ERI1: variants seen among roughly 807,000 people sequenced by gnomAD.
The protein encoded by ERI1 is 3'-5' exoribonuclease 1.
Under a neutral mutation model 39.7 loss-of-function variants are expected in ERI1, and 39 were observed. The observed-to-expected ratio is 0.98, with a 90% CI of 0.76 to 1.28. ERI1 has a LOEUF of 1.28. Among genes scored for constraint, ERI1 ranks in the 50% most tolerant of loss-of-function variants. The probability of loss-of-function intolerance (pLI) is 0.00; values close to 1 mark genes in which losing one functional copy is unlikely to be tolerated. For missense variants in ERI1, 581 were observed against 416.9 expected (o/e 1.39, Z -3.43); for synonymous variants, 204 against 149.6 (o/e 1.36, Z -2.65).
chr8:9,036,008 G>A (rs1797832203), downstream of ERI1, among the ~76,000 whole-genome samples: 1 of 152,180 alleles, frequency 6.6e-6, no homozygotes, highest in African/African-American at 2.4e-5. Flanking sequence ...AGAACTAGAA[G>A]TGAAGATGTG....
intron 3 of ERI1, among the ~76,000 whole-genome samples, chr8:9,077,049 C>G (rs891474468): frequency 2.0e-5 from 3 of 152,224 alleles, no homozygotes; most frequent in Non-Finnish European, 4.4e-5. Context: ...GTACCTCATA[C>G]GCATGCCAGT....
At chr8:9,015,217 A>T (rs538950116) in intron 3 of ERI1, among the ~76,000 whole-genome samples, 87 of 152,314 alleles carry the variant, frequency 5.7e-4, no homozygotes, top group African/African-American at 1.9e-3. Context: ...TTAATAGATT[A>T]GTAGGTAGAA....
At chr8:9,022,234 G>A (rs955185286) in intron 6 of ERI1, among the ~76,000 whole-genome samples, 3 of 151,936 alleles carry the variant, frequency 2.0e-5, no homozygotes, top group African/African-American at 7.3e-5. Flanking sequence ...TCAGCTATCT[G>A]GATTGCTTTT....
intron 3 of ERI1, among the ~76,000 whole-genome samples, chr8:9,071,843 A>T (rs1212511490): frequency 6.6e-6 from 1 of 152,180 alleles, no homozygotes; most frequent in African/African-American, 2.4e-5. Flanking sequence ...AGGTGGGAGG[A>T]CTGCTTGAAT....
chr8:9,077,829 C>G (rs1799254432), intron 3 of ERI1, among the ~76,000 whole-genome samples: 1 of 152,216 alleles, frequency 6.6e-6, no homozygotes, highest in African/African-American at 2.4e-5. Flanking sequence ...CAGGTACTCT[C>G]TGTTTGAGGT....
intron 3 of ERI1, among the ~76,000 whole-genome samples, chr8:9,046,071 A>G (rs1176849256): frequency 2.0e-5 from 3 of 152,226 alleles, no homozygotes; most frequent in Non-Finnish European, 4.4e-5. Context: ...AAATTCATTT[A>G]AAAATTAAAT....
chr8:9,030,030 A>G lies in ERI1; in HGVS notation c.1046A>G (p.Lys349Arg), dbSNP rs775086601. Residue 349 changes from lysine to arginine, a missense_variant, in exon 7 of 7, where the codon AAG (lysine) becomes AGG (arginine). Transcript: ENST00000250263. ...TPPPQMPHFR[K>R] ...CCACCACAAATGCCACATTTTAGAA[A>G]GTAACAACAGTTTTGTGTGTGGATC... The G allele has an allele frequency of 1.9e-6, 3 of 1,584,346 alleles. No individual in the cohort carries two copies. The highest frequency in any genetic ancestry group is 1.4e-5 in the African/African-American group (1 of 73,450).
chr8:9,035,034 T>C (rs1370840660), downstream of ERI1, among the ~76,000 whole-genome samples: 2 of 152,090 alleles, frequency 1.3e-5, no homozygotes, highest in Admixed American at 1.3e-4. Context: ...TCATATTCTG[T>C]GAGGGTTGAG....
At chr8:9,014,832 G>A (rs988278896) in intron 3 of ERI1, among the ~76,000 whole-genome samples, 16 of 151,808 alleles carry the variant, frequency 1.1e-4, no homozygotes, top group Admixed American at 7.9e-4. Flanking sequence ...TTATTCTTTT[G>A]TTTTGTTTTG....
In ERI1 at chr8:9,007,969, G is replaced by A. The variant is rs754381741; in HGVS notation, c.109-1G>A. 1.2e-5 allele frequency: 9 copies of A among 731,746 alleles called. No individual in the cohort carries two copies. The highest frequency in any genetic ancestry group is 1.9e-5 in the South Asian group (1 of 53,786). The allele number at this position is 731,746 out of a possible 1,614,324, so 45.3% of individuals were successfully genotyped here. A position where few individuals can be genotyped will look rare whatever the true frequency, so the allele number is the denominator to read the frequency against. On this transcript the variant is annotated splice_acceptor_variant, in intron 1 of 6. Coordinates refer to ENST00000250263, the MANE Select transcript of ERI1 (RefSeq NM_153332.4). LOFTEE classifies it high-confidence loss of function. ...TTTTTTTTTTTTTTTTTTTTTGGTA[G>A]GAAACTCAACAGTGTAAATTTGATG...
In ERI1 at chr8:9,002,945, G is replaced by T. The variant is rs1815522065; in HGVS notation, c.-119G>T. 5 of 732,138 alleles carry T rather than the reference G, an allele frequency of 6.8e-6. No individual in the cohort carries two copies. In the East Asian group the frequency reaches 1.7e-4, roughly 25 times the overall value. The allele number at this position is 732,138 out of a possible 1,614,324, so 45.4% of individuals were successfully genotyped here. A position where few individuals can be genotyped will look rare whatever the true frequency, so the allele number is the denominator to read the frequency against. On this transcript the variant is annotated 5_prime_UTR_variant, in exon 1 of 7. Coordinates refer to ENST00000250263, the MANE Select transcript of ERI1 (RefSeq NM_153332.4). ...GGCCGCTGGAGTTTGTGTGGCCGCC[G>T]CCGCGGGAACGCGAGCCCGGTAATT...
intron 3 of ERI1, among the ~76,000 whole-genome samples, chr8:9,099,232 C>T (rs541516400): frequency 6.6e-6 from 1 of 152,220 alleles, no homozygotes; most frequent in South Asian, 2.1e-4. Context: ...CTTGTGCTCT[C>T]TTCTTCCTTC....
chr8:9,027,233 T>G (rs1329576131), intron 6 of ERI1, among the ~76,000 whole-genome samples: 3 of 152,012 alleles, frequency 2.0e-5, no homozygotes, highest in Non-Finnish European at 4.4e-5. Flanking sequence ...TTGATTTGTA[T>G]TTCCCTAATG....
intron 3 of ERI1, chr8:9,088,310 C>G (rs1002811865): frequency 1.3e-5 from 2 of 151,740 alleles, no homozygotes; most frequent in African/African-American, 4.8e-5. Flanking sequence ...TAATTCAGGT[C>G]AAATTAGCCA....
chr8:9,068,522 T>C (rs900485669), intron 3 of ERI1, among the ~76,000 whole-genome samples: 3 of 152,128 alleles, frequency 2.0e-5, no homozygotes, highest in South Asian at 2.1e-4. Flanking sequence ...TTATGAATGC[T>C]GAGTGGAGGC....
intron 3 of ERI1, among the ~76,000 whole-genome samples, chr8:9,050,589 C>G (rs1798327270): frequency 6.6e-6 from 1 of 152,046 alleles, no homozygotes; most frequent in Non-Finnish European, 1.5e-5. Context: ...CTGTCTGAGT[C>G]CTCATTGGGA....
At chr8:9,098,894 T>C (rs1433304839) in intron 3 of ERI1, among the ~76,000 whole-genome samples, 1 of 152,144 alleles carries the variant, frequency 6.6e-6, no homozygotes, top group African/African-American at 2.4e-5. Context: ...AGTGCAGTGG[T>C]GCAAGCTCGG....
chr8:9,005,694 G>A (rs150827511), intron 1 of ERI1, among the ~76,000 whole-genome samples: 153 of 146,386 alleles, frequency 1.0e-3, no homozygotes, highest in Admixed American at 2.9e-3. Context: ...TTTTAGTAGA[G>A]ACGGGGTTTC....
intron 3 of ERI1, among the ~76,000 whole-genome samples, chr8:9,061,794 C>T (rs1798705811): frequency 6.7e-6 from 1 of 149,996 alleles, no homozygotes; most frequent in Non-Finnish European, 1.5e-5. Context: ...GTAATGGGTG[C>T]TGTCCGTGAA....
Sources: gnomAD v4.1 joint callset for allele counts (sites outside exome capture counted in the v4.1 genomes callset) on GRCh38, gnomAD v4.1.1 for gene constraint, MANE v1.5 for transcripts, NCBI Gene and HGNC (gene_info 2026-07-23, HGNC 2026-07-21) for gene names.